Variants in ADAM23 observed in about 807,000 individuals in gnomAD.
The protein encoded by ADAM23 is disintegrin and metalloproteinase domain-containing protein 23.
In ADAM23, 33 loss-of-function variants were observed where a neutral mutation model predicts 120.1. The ratio of observed to expected loss-of-function variants is 0.27; its 90% CI spans 0.21 to 0.37. ADAM23 has a LOEUF of 0.37. Among genes scored for constraint, ADAM23 ranks in the 10% least tolerant of loss-of-function variants. The pLI, the probability that ADAM23 is intolerant of heterozygous loss-of-function variation, is 1.00. For missense variants in ADAM23, 862 were observed against 1,058.2 expected, an observed-to-expected ratio of 0.81 and a Z score of 2.57; for synonymous variants, 367 against 375.2, an observed-to-expected ratio of 0.98 and a Z score of 0.25.
chr2:206,620,591 G>T lies in ADAM23; in HGVS notation c.*2964G>T, dbSNP rs1478082674. The T allele has an allele frequency of 1.3e-5, 2 of 152,076 alleles. No homozygotes were observed. Among genetic ancestry groups the T allele is most frequent in the East Asian group, 3.9e-4 (2 of 5,190 alleles). The allele number at this position is 152,076 out of a possible 1,614,324, so 9.4% of individuals were successfully genotyped here. On this transcript the variant is annotated 3_prime_UTR_variant, in exon 26 of 26. Coordinates refer to ENST00000264377, the MANE Select transcript of ADAM23 (RefSeq NM_003812.4). ...ATCACTGTTTAATGTTACCCAACAA[G>T]AGTTAGTGTTAAGTGATGATCAAGT...
At chr2:206,555,418 A>C (rs1413781993) in intron 9 of ADAM23, among the ~76,000 whole-genome samples, 1 of 152,092 alleles carries the variant, frequency 6.6e-6, no homozygotes, top group Non-Finnish European at 1.5e-5. Context: ...GTGGTACTTG[A>C]ATTCACTTCT....
intron 4 of ADAM23, among the ~76,000 whole-genome samples, chr2:206,533,197 T>G (rs977496184): frequency 1.3e-5 from 2 of 151,700 alleles, no homozygotes; most frequent in African/African-American, 4.8e-5. Flanking sequence ...TCTCAAATTG[T>G]TTTTTTTATT....
chr2:206,583,650 AT>A lies in ADAM23; in HGVS notation c.1738-3673del, dbSNP rs370845179. On this transcript the variant is annotated intron_variant, in intron 18 of 25. Transcript: ENST00000264377. Reference sequence around the variant, plus strand: ...TTCTTTCTTCTACTTGTTCATTTCTATTGCTGAGACTTTCCAGAGCATTTCA... The same window carrying A: ...TTCTTTCTTCTACTTGTTCATTTCTATGCTGAGACTTTCCAGAGCATTTCA... Among the ~76,000 whole-genome samples the A allele has an allele frequency of 1.6e-3, 247 of 152,014 alleles. 2 individuals carry two copies. Among genetic ancestry groups the A allele is most frequent in the African/African-American group, 5.6e-3 (232 of 41,448 alleles).
At chr2:206,591,879 A>G (rs1412483843) in intron 21 of ADAM23, among the ~76,000 whole-genome samples, 1 of 152,116 alleles carries the variant, frequency 6.6e-6, no homozygotes, top group African/African-American at 2.4e-5. Context: ...CATGGTTTTA[A>G]TTTGCATTTC....
intron 3 of ADAM23, among the ~76,000 whole-genome samples, chr2:206,523,396 C>T (rs979172230): frequency 5.9e-5 from 9 of 152,182 alleles, no homozygotes; most frequent in Non-Finnish European, 1.3e-4. Context: ...ACTTACCAGC[C>T]CTTGCCGGGC....
intron 13 of ADAM23, among the ~76,000 whole-genome samples, chr2:206,563,955 C>G (rs1697824772): frequency 1.3e-5 from 2 of 151,994 alleles, no homozygotes; most frequent in Admixed American, 6.6e-5. Flanking sequence ...TGGTCTCGAT[C>G]TCCTGACCTC....
intron 4 of ADAM23, among the ~76,000 whole-genome samples, chr2:206,540,712 G>A (rs1697273994): frequency 6.6e-6 from 1 of 151,954 alleles, no homozygotes; most frequent in Non-Finnish European, 1.5e-5. Flanking sequence ...ACTTATCCCA[G>A]AAAGGCAGAA....
At chr2:206,552,972 ATTAC>A (rs1697563555) in intron 9 of ADAM23, among the ~76,000 whole-genome samples, 1 of 152,056 alleles carries the variant, frequency 6.6e-6, no homozygotes, top group African/African-American at 2.4e-5. Flanking sequence ...CTGGCCTATT[ATTAC>A]TATTATTAAA....
intron 3 of ADAM23, among the ~76,000 whole-genome samples, chr2:206,484,472 C>A (rs1695963868): frequency 6.6e-6 from 1 of 151,998 alleles, no homozygotes; most frequent in Admixed American, 6.6e-5. Context: ...TTTGTCACTG[C>A]AGAGTGTGAA....
intron 24 of ADAM23, among the ~76,000 whole-genome samples, chr2:206,600,889 T>C (rs1698627844): frequency 6.6e-6 from 1 of 152,214 alleles, no homozygotes; most frequent in Non-Finnish European, 1.5e-5. Flanking sequence ...ATTATTTATT[T>C]TTTCTACGTT....
At chr2:206,490,343 C>T (rs11891267) in intron 3 of ADAM23, among the ~76,000 whole-genome samples, 19,140 of 152,148 alleles carry the variant, frequency 0.13, 1,237 homozygotes, top group Middle Eastern at 0.15. Context: ...ACTAATACAC[C>T]GTTCTAATTC....
chr2:206,465,491 T>G (rs1215892976), intron 2 of ADAM23, among the ~76,000 whole-genome samples: 1 of 152,206 alleles, frequency 6.6e-6, no homozygotes, highest in Non-Finnish European at 1.5e-5. Flanking sequence ...AAGTGTTAAA[T>G]TTATTATAGT....
chr2:206,475,060 T>C (rs1695748304), intron 2 of ADAM23, among the ~76,000 whole-genome samples: 1 of 152,180 alleles, frequency 6.6e-6, no homozygotes, highest in South Asian at 2.1e-4. Flanking sequence ...TCTATGACCT[T>C]GGACAATAAC....
At chr2:206,498,895 A>G (rs1228031925) in intron 3 of ADAM23, among the ~76,000 whole-genome samples, 1 of 152,258 alleles carries the variant, frequency 6.6e-6, no homozygotes, top group Non-Finnish European at 1.5e-5. Context: ...AACATGAAAA[A>G]TGCTCATCAT....
At chr2:206,580,665 G>A (rs776540294) in intron 18 of ADAM23, among the ~76,000 whole-genome samples, 15 of 152,094 alleles carry the variant, frequency 9.9e-5, no homozygotes, top group African/African-American at 2.7e-4. Context: ...CAAGGATATC[G>A]GTGTGTAGTT....
chr2:206,523,658 G>A (rs923761162), intron 3 of ADAM23, among the ~76,000 whole-genome samples: 2 of 151,848 alleles, frequency 1.3e-5, no homozygotes, highest in Non-Finnish European at 2.9e-5. Flanking sequence ...GAAAAGTAAT[G>A]GTTGAAAAAT....
chr2:206,584,087 T>C (rs530089872), intron 18 of ADAM23, among the ~76,000 whole-genome samples: 1 of 152,168 alleles, frequency 6.6e-6, no homozygotes, highest in Admixed American at 6.5e-5. Context: ...TTCCTATGGG[T>C]ATGGCTTCCT....
intron 24 of ADAM23, among the ~76,000 whole-genome samples, chr2:206,597,621 A>G (rs1373758339): frequency 1.3e-5 from 2 of 152,222 alleles, no homozygotes; most frequent in East Asian, 3.8e-4. Context: ...CATTGTACCT[A>G]AGAAACCAAG....
chr2:206,558,193 A>G (rs887008993), intron 10 of ADAM23, among the ~76,000 whole-genome samples: 4 of 152,222 alleles, frequency 2.6e-5, no homozygotes, highest in Admixed American at 6.5e-5. Flanking sequence ...TGAACATTAT[A>G]TATTATGTTC....
Sources: gnomAD v4.1 joint callset for allele counts (sites outside exome capture counted in the v4.1 genomes callset) on GRCh38, gnomAD v4.1.1 for gene constraint, MANE v1.5 for transcripts, NCBI Gene and HGNC (gene_info 2026-07-23, HGNC 2026-07-21) for gene names.